Variants in TAFA2 observed in about 807,000 individuals in gnomAD.
TAFA2 encodes the protein chemokine-like protein TAFA-2.
A neutral mutation model predicts 18.8 loss-of-function variants in TAFA2; 7 were observed. That is an observed-to-expected ratio of 0.37 (90% CI 0.21 to 0.70). The LOEUF (loss-of-function observed/expected upper bound fraction) is 0.70. Among genes scored for constraint, TAFA2 ranks in the 30% least tolerant of loss-of-function variants. The probability of loss-of-function intolerance (pLI) is 0.53; values close to 1 mark genes in which losing one functional copy is unlikely to be tolerated. For synonymous variants in TAFA2, 60 were observed against 54.2 expected (o/e 1.11, Z -0.47); for missense variants, 122 against 158.1 (o/e 0.77, Z 1.23).
intron 1 of TAFA2, among the ~76,000 whole-genome samples, chr12:61,927,118 C>G (rs533895974): frequency 2.0e-5 from 3 of 150,942 alleles, no homozygotes; most frequent in Non-Finnish European, 4.4e-5. Context: ...CAAGGATGCC[C>G]TCTTTCACCA....
chr12:61,902,434 G>A (rs750121692), intron 1 of TAFA2, among the ~76,000 whole-genome samples: 31 of 152,044 alleles, frequency 2.0e-4, no homozygotes, highest in Non-Finnish European at 3.5e-4. Flanking sequence ...CCTCTTCCTG[G>A]CCTCTCTGTA....
At chr12:62,204,202 G>A (rs1357769910) in intron 1 of TAFA2, among the ~76,000 whole-genome samples, 1 of 152,112 alleles carries the variant, frequency 6.6e-6, no homozygotes, top group Non-Finnish European at 1.5e-5. Flanking sequence ...CTCAGGAGAA[G>A]TCCACAGTGA....
intron 2 of TAFA2, among the ~76,000 whole-genome samples, chr12:61,768,515 A>C (rs2120831664): frequency 1.3e-5 from 2 of 152,286 alleles, no homozygotes; most frequent in East Asian, 3.9e-4. Flanking sequence ...GAGTAACCAA[A>C]GTGTGAGGGG....
At chr12:61,892,665 C>G (rs370243741) in intron 1 of TAFA2, among the ~76,000 whole-genome samples, 1 of 152,022 alleles carries the variant, frequency 6.6e-6, no homozygotes, top group African/African-American at 2.4e-5. Flanking sequence ...GGAAAAACTC[C>G]GTCTCTACTA....
intron 2 of TAFA2, among the ~76,000 whole-genome samples, chr12:61,796,043 T>A (rs1231603083): frequency 6.6e-6 from 1 of 152,152 alleles, no homozygotes; most frequent in African/African-American, 2.4e-5. Context: ...AGTGGGAATA[T>A]GAAATAGAAC....
intron 4 of TAFA2, among the ~76,000 whole-genome samples, chr12:61,749,036 T>A (rs932354371): frequency 6.6e-6 from 1 of 150,842 alleles, no homozygotes; most frequent in Non-Finnish European, 1.5e-5. Flanking sequence ...GAGTCCAAGG[T>A]GGGCGGATCA....
At chr12:62,009,436 C>A (rs951308848) in intron 1 of TAFA2, among the ~76,000 whole-genome samples, 1 of 152,160 alleles carries the variant, frequency 6.6e-6, no homozygotes, top group South Asian at 2.1e-4. Context: ...TATACATAAT[C>A]CCAACCTCTT....
intron 1 of TAFA2, among the ~76,000 whole-genome samples, chr12:62,249,243 C>G (rs1592419784): frequency 7.1e-6 from 1 of 141,410 alleles, no homozygotes; most frequent in Non-Finnish European, 1.5e-5. Context: ...TGGTAAACAA[C>G]TTAGGGACTG....
intron 1 of TAFA2, among the ~76,000 whole-genome samples, chr12:61,965,245 T>C (rs1352279368): frequency 2.0e-5 from 3 of 151,822 alleles, no homozygotes; most frequent in Non-Finnish European, 2.9e-5. Flanking sequence ...AGGAACTTGT[T>C]TGCCCTTTTC....
At chr12:61,874,200 G>A (rs1020740208) in intron 1 of TAFA2, among the ~76,000 whole-genome samples, 1 of 152,046 alleles carries the variant, frequency 6.6e-6, no homozygotes, top group Admixed American at 6.6e-5. Context: ...AATTTATAGA[G>A]TTGTATTTTT....
chr12:61,720,686 C>T, intron 4 of TAFA2: 2 of 357,624 alleles, frequency 5.6e-6, no homozygotes, highest in Non-Finnish European at 1.1e-5. Flanking sequence ...CATGTACACA[C>T]CTGCTGCTTT....
intron 1 of TAFA2, among the ~76,000 whole-genome samples, chr12:61,912,723 T>C (rs1389981627): frequency 6.6e-6 from 1 of 152,164 alleles, no homozygotes; most frequent in Non-Finnish European, 1.5e-5. Flanking sequence ...CACTTCCCCC[T>C]GGTAAAGCTA....
At chr12:61,968,813 T>G (rs1216032443) in intron 1 of TAFA2, among the ~76,000 whole-genome samples, 1 of 151,698 alleles carries the variant, frequency 6.6e-6, no homozygotes, top group African/African-American at 2.4e-5. Context: ...TTCATGACTC[T>G]ATGAACTCTT....
At chr12:62,258,900 A>C (rs2062960207), upstream of TAFA2, 1 of 190,780 alleles carries the variant, frequency 5.2e-6, no homozygotes. Flanking sequence ...AGAAACTCTT[A>C]ATCTTTTAAC....
chr12:61,997,160 T>C (rs913836141), intron 1 of TAFA2, among the ~76,000 whole-genome samples: 31 of 103,418 alleles, frequency 3.0e-4, no homozygotes, highest in Non-Finnish European at 5.1e-4. Context: ...CTAGACTATA[T>C]GTATATATGT....
chr12:62,189,595 T>A (rs2062608614), intron 1 of TAFA2, among the ~76,000 whole-genome samples: 1 of 152,222 alleles, frequency 6.6e-6, no homozygotes, highest in Non-Finnish European at 1.5e-5. Flanking sequence ...AATGCAAACA[T>A]GGAAAGGCTG....
At chr12:62,025,909 G>A (rs1881296375) in intron 1 of TAFA2, among the ~76,000 whole-genome samples, 1 of 151,892 alleles carries the variant, frequency 6.6e-6, no homozygotes, top group Non-Finnish European at 1.5e-5. Flanking sequence ...GTACTGCAGA[G>A]GAACCCAAAA....
intron 4 of TAFA2, among the ~76,000 whole-genome samples, chr12:61,750,868 G>A (rs1305523336): frequency 6.6e-6 from 1 of 152,134 alleles, no homozygotes; most frequent in Admixed American, 6.6e-5. Flanking sequence ...GGCTGAGACA[G>A]CTCTTGAGTT....
chr12:61,973,409 T>G (rs866924751), intron 1 of TAFA2, among the ~76,000 whole-genome samples: 129 of 148,614 alleles, frequency 8.7e-4, no homozygotes, highest in South Asian at 2.6e-3. Context: ...TTTTTTTTTT[T>G]TTTTTAGTTT....
Sources: allele counts gnomAD v4.1 joint callset (sites outside exome capture counted in the v4.1 genomes callset), GRCh38; gene constraint gnomAD v4.1.1; transcripts MANE v1.5; gene names NCBI Gene and HGNC (gene_info 2026-07-23, HGNC 2026-07-21).